TGM3: variants seen among roughly 807,000 people sequenced by gnomAD.
The protein encoded by TGM3 is protein-glutamine gamma-glutamyltransferase E.
Under a neutral mutation model 73.8 loss-of-function variants are expected in TGM3, and 52 were observed. The observed-to-expected ratio is 0.70, with a 90% confidence interval of 0.56 to 0.89. The LOEUF (loss-of-function observed/expected upper bound fraction) is 0.89, where lower values mean the gene tolerates loss of function less well. Among genes scored for constraint, TGM3 ranks in the 40% least tolerant of loss-of-function variants. The pLI is 0.00. For synonymous variants in TGM3, 372 were observed against 354.9 expected, an observed-to-expected ratio of 1.05 and a Z score of -0.54; for missense variants, 928 against 909.9, an observed-to-expected ratio of 1.02 and a Z score of -0.26.
rs1445211489 is a variant in TGM3, at chr20:2,325,882, G to A, written c.1017G>A (p.Val339=). The A allele has an allele frequency of 1.3e-6, 2 of 1,582,570 alleles. No individual in the cohort carries two copies. Among genetic ancestry groups the A allele is most frequent in the Non-Finnish European group, 1.7e-6 (2 of 1,163,006 alleles). The part of the protein sequence containing the change: ...NFHVWNEGWF[V]RSDLGPSYGG... Reference sequence around the variant, plus strand: ...ATGTCTGGAATGAAGGCTGGTTTGTGAGGTCTGACCTGGGCCCCTCGTACG... The same window carrying A: ...ATGTCTGGAATGAAGGCTGGTTTGTAAGGTCTGACCTGGGCCCCTCGTACG... Residue 339 remains valine (V), a synonymous_variant, in exon 8 of 13, where the codon GTG becomes GTA. Coordinates refer to ENST00000381458, the MANE Select transcript of TGM3 (RefSeq NM_003245.4).
At position 2,335,207 on chromosome 20, in the gene TGM3, C is replaced by G; in HGVS notation, c.1734C>G (p.Val578=). The G allele has an allele frequency of 6.2e-7, 1 of 1,614,162 alleles. No homozygotes were observed. Among genetic ancestry groups the G allele is most frequent in the African/African-American group, 1.3e-5 (1 of 75,062 alleles). The change falls in exon 11 of 13, where the codon GTC becomes GTG. Residue 578 remains valine (V), a synonymous_variant. Coordinates refer to ENST00000381458, the MANE Select transcript of TGM3 (RefSeq NM_003245.4). Reference sequence around the variant, plus strand: ...TCCGGATCACAGCGGTGTGCAAGGTCCCAGATGAGTCTGAGGTGGTGGTGG... The same window carrying G: ...TCCGGATCACAGCGGTGTGCAAGGTGCCAGATGAGTCTGAGGTGGTGGTGG... ...NMIRITAVCK[V]PDESEVVVER...
chr20:2,296,756 CTA>C (rs895485811), intron 1 of TGM3, among the ~76,000 whole-genome samples: 4 of 152,294 alleles, frequency 2.6e-5, no homozygotes, highest in African/African-American at 9.6e-5. Flanking sequence ...TTCCCCCACT[CTA>C]TGCTTACTGT....
At chr20:2,340,040 G>GGGGGGGGGGC in intron 12 of TGM3, 53 bp downstream of exon 12, 1 of 944,846 alleles carries the variant, frequency 1.1e-6, no homozygotes, top group Non-Finnish European at 1.6e-6. Flanking sequence ...GGGCGGGGGG[G>GGGGGGGGGGC]CCCTCCAGAT....
At chr20:2,314,353 A>G (rs2084222355) in intron 5 of TGM3, among the ~76,000 whole-genome samples, 1 of 152,208 alleles carries the variant, frequency 6.6e-6, no homozygotes, top group East Asian at 1.9e-4. Flanking sequence ...ATTCATCCAG[A>G]ATATCTAAAC....
chr20:2,335,419 G>A, intron 11 of TGM3, 146 bp downstream of exon 11: 1 of 1,018,026 alleles, frequency 9.8e-7, no homozygotes, highest in Non-Finnish European at 1.4e-6. Flanking sequence ...ACTGGGCCCA[G>A]CTTCGGTCCA....
intron 5 of TGM3, among the ~76,000 whole-genome samples, chr20:2,314,530 TACACACACACACACACACACAC>T (rs11473649): frequency 3.7e-5 from 5 of 136,704 alleles, no homozygotes; most frequent in East Asian, 4.4e-4. Context: ...CATCTACACA[TACACACACACACACACACACAC>T]ACACACACAC....
intron 4 of TGM3, among the ~76,000 whole-genome samples, chr20:2,311,814 A>G (rs1021503058): frequency 2.0e-5 from 3 of 152,134 alleles, no homozygotes; most frequent in Non-Finnish European, 4.4e-5. Context: ...TAGGAGTGGA[A>G]GAGAGGCTAT....
chr20:2,337,175 A>G (rs2084355292), intron 11 of TGM3, among the ~76,000 whole-genome samples: 1 of 152,214 alleles, frequency 6.6e-6, no homozygotes, highest in African/African-American at 2.4e-5. Flanking sequence ...TGCTCGGGGC[A>G]TGACTGGAAC....
chr20:2,317,416 G>A lies in TGM3; in HGVS notation c.914G>A (p.Arg305Gln), dbSNP rs562802461. 52 of 1,614,098 alleles carry A rather than the reference G, an allele frequency of 3.2e-5. No individual in the cohort carries two copies. The highest frequency in any genetic ancestry group is 8.0e-5 in the African/African-American group (6 of 74,940). Residue 305 changes from arginine to glutamine, a missense_variant, in exon 7 of 13, where the codon CGA (arginine) becomes CAA (glutamine). Arg to Gln is a conservative substitution (Grantham distance 43). Coordinates refer to ENST00000381458, the MANE Select transcript of TGM3 (RefSeq NM_003245.4). ...TNFNSAHDTD[R>Q]NLSVDVYYDP... Reference sequence around the variant, plus strand: ...TTCAACTCAGCTCATGACACAGACCGAAATCTCAGTGTGGATGTGTACTAC... The same window carrying A: ...TTCAACTCAGCTCATGACACAGACCAAAATCTCAGTGTGGATGTGTACTAC...
At position 2,332,374 on chromosome 20, in the gene TGM3, G is replaced by C; in HGVS notation, c.1642+64G>C. The C allele has an allele frequency of 6.9e-7, 1 of 1,458,666 alleles. No homozygotes were observed. Among genetic ancestry groups the C allele is most frequent in the Non-Finnish European group, 9.1e-7 (1 of 1,096,954 alleles). 90.4% of individuals were successfully genotyped at this position (1,458,666 alleles called of 1,614,324 possible). A position where few individuals can be genotyped will look rare whatever the true frequency, so the allele number is the denominator to read the frequency against. ...AGGTAGCCAATGGCCTTCTGGGGCT[G>C]CAGGGTGTCTGCTGGGCTCCAGGTT... On this transcript the variant is annotated intron_variant, in intron 10 of 12. Coordinates refer to ENST00000381458, the MANE Select transcript of TGM3 (RefSeq NM_003245.4). The surrounding 1 kb of genome is among the most constrained non-coding windows in gnomAD (Gnocchi z 4.4).
At chr20:2,313,275 C>T (rs774226193) in intron 5 of TGM3, among the ~76,000 whole-genome samples, 49 of 152,210 alleles carry the variant, frequency 3.2e-4, no homozygotes, top group South Asian at 6.2e-4. Context: ...CTTCAAAGCC[C>T]TTTCCACCAC....
chr20:2,325,926 A>T lies in TGM3; in HGVS notation c.1061A>T (p.Asp354Val), dbSNP rs765477797. 6.3e-7 allele frequency: 1 copy of T among 1,595,414 alleles called. No individual in the cohort carries two copies. The highest frequency in any genetic ancestry group is 8.5e-7 in the Non-Finnish European group (1 of 1,169,944). Reference protein sequence around the residue: ...GPSYGGWQVLDATPQERSQGV... With the variant: ...GPSYGGWQVLVATPQERSQGV... ...TCGTACGGTGGATGGCAGGTGTTGG[A>T]TGCTACCCCGCAGGAAAGAAGCCAA... Residue 354 changes from aspartate (D) to valine (V), a missense_variant, in exon 8 of 13, where the codon GAT (aspartate) becomes GTT (valine). Transcript: ENST00000381458.
chr20:2,303,319 A>C (rs11906430), intron 1 of TGM3, among the ~76,000 whole-genome samples: 3,043 of 152,068 alleles, frequency 0.02, 104 homozygotes, highest in African/African-American at 0.07. Context: ...AGAAAAGAAA[A>C]AAAAGAAAAA....
intron 7 of TGM3, among the ~76,000 whole-genome samples, chr20:2,321,590 G>A (rs1185465964): frequency 2.0e-5 from 3 of 152,200 alleles, no homozygotes; most frequent in African/African-American, 7.2e-5. Flanking sequence ...AAGACTGCAT[G>A]AGAATTAATT....
At chr20:2,339,605 G>A (rs1411013771) in intron 11 of TGM3, among the ~76,000 whole-genome samples, 1 of 152,142 alleles carries the variant, frequency 6.6e-6, no homozygotes, top group Non-Finnish European at 1.5e-5. Flanking sequence ...GCTGCAGGGG[G>A]CCCCTTCCCC....
chr20:2,325,643 C>T (rs45589931), intron 7 of TGM3, among the ~76,000 whole-genome samples: 40 of 152,284 alleles, frequency 2.6e-4, no homozygotes, highest in South Asian at 1.0e-3. Flanking sequence ...TTTTATAAAA[C>T]GGGCATAAAA....
In TGM3 at chr20:2,307,580, C is replaced by T. The variant is rs548766409; in HGVS notation, c.8-2077C>T. On this transcript the variant is annotated intron_variant, in intron 1 of 12. Coordinates refer to ENST00000381458, the MANE Select transcript of TGM3 (RefSeq NM_003245.4). ...GAAAGTGACTTTTTTTGCCTGCCTG[C>T]ATCTCTCATACACCTTTCCTGGATT... Among the ~76,000 whole-genome samples, 327 of 152,244 alleles carry T rather than the reference C, an allele frequency of 2.1e-3. 1 individual carries two copies. The highest frequency in any genetic ancestry group is 3.4e-3 in the Non-Finnish European group (230 of 68,032).
At chr20:2,301,654 A>G (rs1283922006) in intron 1 of TGM3, among the ~76,000 whole-genome samples, 3 of 151,912 alleles carry the variant, frequency 2.0e-5, no homozygotes, top group African/African-American at 7.3e-5. Context: ...AGATTTCTTG[A>G]TTTGGCTTCT....
At chr20:2,325,510 C>G (rs1236189797) in intron 7 of TGM3, among the ~76,000 whole-genome samples, 1 of 152,150 alleles carries the variant, frequency 6.6e-6, no homozygotes, top group South Asian at 2.1e-4. Context: ...AATCTGGATT[C>G]GTTCTGCTCC....
Sources: allele counts gnomAD v4.1 joint callset (sites outside exome capture counted in the v4.1 genomes callset), GRCh38; gene constraint gnomAD v4.1.1; non-coding constraint Gnocchi (gnomAD v3.1); transcripts MANE v1.5; gene names NCBI Gene and HGNC (gene_info 2026-07-23, HGNC 2026-07-21).